ZNF577: variants seen among roughly 807,000 people sequenced by gnomAD.
ZNF577 encodes zinc finger protein 577.
ZNF577 carries 14 observed loss-of-function variants against 13.9 expected under a neutral mutation model. The ratio of observed to expected loss-of-function variants is 1.00; its 90% CI spans 0.66 to 1.57. The LOEUF is 1.57. Ranked by LOEUF, ZNF577 falls within the 40% of genes most tolerant of loss-of-function variation. The pLI is 0.00. For synonymous variants in ZNF577, 203 were observed against 202.9 expected (o/e 1.00, Z 0.00); for missense variants, 555 against 579.2 (o/e 0.96, Z 0.43).
In ZNF577 at chr19:51,824,324, C is replaced by A. The variant is rs147264707; in HGVS notation, c.*600-12650G>T. ...GTGACACTGCTGTAGAGAGGTTGAA[C>A]GTGTTCATTACCATGGCCAAGGTCT... On this transcript the variant is annotated intron_variant and NMD_transcript_variant, in intron 9 of 10. Transcript: ENST00000638827. This position sits in a 1 kb window ranked among gnomAD's most constrained non-coding sequence, Gnocchi z 4.7. The A allele has an allele frequency of 6.2e-7, 1 of 1,614,104 alleles. No homozygotes were observed. The highest frequency in any genetic ancestry group is 2.2e-5 in the East Asian group (1 of 44,876).
At chr19:51,857,415 A>AAAG (rs1491564932) in intron 5 of ZNF577, among the ~76,000 whole-genome samples, 1 of 113,036 alleles carries the variant, frequency 8.8e-6, no homozygotes, top group Non-Finnish European at 1.8e-5. Flanking sequence ...AGAAAGAAAG[A>AAAG]AAGAAAGAAA....
intron 10 of ZNF577, among the ~76,000 whole-genome samples, chr19:51,808,763 A>AT (rs1180496010): frequency 5.3e-5 from 8 of 152,246 alleles, no homozygotes; most frequent in Non-Finnish European, 1.2e-4. Flanking sequence ...TTATGTGTAC[A>AT]TGAATAGCTC....
intron 9 of ZNF577, among the ~76,000 whole-genome samples, chr19:51,820,951 C>G (rs1046100864): frequency 6.6e-6 from 1 of 152,190 alleles, no homozygotes; most frequent in Admixed American, 6.5e-5. Flanking sequence ...AGGAGAAGCT[C>G]TTGGCATGTG....
chr19:51,819,076 G>A (rs954717916), intron 9 of ZNF577, among the ~76,000 whole-genome samples: 4 of 152,208 alleles, frequency 2.6e-5, no homozygotes, highest in African/African-American at 9.6e-5. Flanking sequence ...GACTTGGATT[G>A]TATTGGGTGG....
At chr19:51,823,739 G>A (rs2084208060) in intron 9 of ZNF577, 2 of 1,568,158 alleles carry the variant, frequency 1.3e-6, no homozygotes, top group Non-Finnish European at 1.7e-6. Flanking sequence ...AATGTTTCAG[G>A]TGTGGGAAGA....
rs79950210 is a variant in ZNF577, at chr19:51,870,368, T to C, written c.*2164A>G. 0.066 allele frequency among the ~76,000 whole-genome samples: 9,994 copies of C among 152,234 alleles called. 461 individuals carry two copies. The highest frequency in any genetic ancestry group is 0.099 in the Non-Finnish European group (6,701 of 68,004). Reference sequence around the variant, plus strand: ...CTTTATTAGTCTCTGTTTGGAAAATTGCTAACTTACTTGGAAAGTATGGCC... The same window carrying C: ...CTTTATTAGTCTCTGTTTGGAAAATCGCTAACTTACTTGGAAAGTATGGCC... On this transcript the variant is annotated 3_prime_UTR_variant, in exon 6 of 6. Coordinates refer to ENST00000638348, the MANE Select transcript of ZNF577 (RefSeq NM_001370449.1).
intron 10 of ZNF577, among the ~76,000 whole-genome samples, chr19:51,806,391 T>G (rs1194382652): frequency 6.6e-6 from 1 of 152,240 alleles, no homozygotes; most frequent in Non-Finnish European, 1.5e-5. Flanking sequence ...CATAACACTT[T>G]CAGATAAACT....
chr19:51,817,397 G>A (rs545448218), intron 9 of ZNF577, among the ~76,000 whole-genome samples: 36 of 152,288 alleles, frequency 2.4e-4, no homozygotes, highest in Admixed American at 1.1e-3. Context: ...TAAAGAGAGA[G>A]AGAGAGAGAG....
At chr19:51,878,328 G>A in intron 4 of ZNF577, 61 bp downstream of exon 4, 1 of 1,540,486 alleles carries the variant, frequency 6.5e-7, no homozygotes, top group Non-Finnish European at 8.8e-7. Flanking sequence ...AATATTTATG[G>A]GACCGTACAG....
chr19:51,845,954 T>C (rs545177905), intron 5 of ZNF577, among the ~76,000 whole-genome samples: 11 of 152,336 alleles, frequency 7.2e-5, no homozygotes, highest in African/African-American at 2.6e-4. Flanking sequence ...ATCTGCAAAG[T>C]GCTGATTTCA....
At chr19:51,851,669 C>T (rs1355115789) in intron 5 of ZNF577, among the ~76,000 whole-genome samples, 1 of 152,094 alleles carries the variant, frequency 6.6e-6, no homozygotes, top group African/African-American at 2.4e-5. Flanking sequence ...AACACAGACT[C>T]TTCAACTCCT....
rs371334092 is a variant in ZNF577, at chr19:51,867,601, C to T, written c.*4931G>A. On this transcript the variant is annotated 3_prime_UTR_variant, in exon 6 of 6. Transcript: ENST00000638348. ...CAGACTGGCCAACATGATGAAACCC[C>T]GTCTCTACTAAAAATACAAAAAAAA... 6.7e-6 allele frequency among the ~76,000 whole-genome samples: 1 copy of T among 148,448 alleles called. No individual in the cohort carries two copies. Among genetic ancestry groups the T allele is most frequent in the African/African-American group, 2.5e-5 (1 of 40,038 alleles).
rs139829816 is a variant in ZNF577, at chr19:51,882,498, A to AGGGGG, written c.-218-1622_-218-1621insCCCCC. On this transcript the variant is annotated intron_variant, in intron 1 of 5. Transcript: ENST00000638348. ...ATCCAATAAAAAAAAAAAAAAAACT[A>AGGGGG]GGGTCTGCTGTGTTGGCTCAGGCCT... Among the ~76,000 whole-genome samples the AGGGGG allele has an allele frequency of 6.0e-3, 895 of 150,240 alleles. 8 individuals carry two copies. The highest frequency in any genetic ancestry group is 0.02 in the African/African-American group (824 of 40,956).
intron 8 of ZNF577, among the ~76,000 whole-genome samples, chr19:51,841,175 C>A (rs1452283026): frequency 6.6e-6 from 1 of 152,164 alleles, no homozygotes; most frequent in Non-Finnish European, 1.5e-5. Flanking sequence ...CACCACTTTC[C>A]GCGGGAATCG....
chr19:51,811,973 T>C (rs1430890937), intron 9 of ZNF577, among the ~76,000 whole-genome samples: 3 of 152,216 alleles, frequency 2.0e-5, no homozygotes, highest in Non-Finnish European at 4.4e-5. Context: ...TTTGCCCATA[T>C]TGTCTTGAGA....
At chr19:51,823,882 G>T (rs770182384) in intron 9 of ZNF577, 1 of 1,614,032 alleles carries the variant, frequency 6.2e-7, no homozygotes, top group Non-Finnish European at 8.5e-7. Flanking sequence ...CTGGGCAATG[G>T]GCTTGTGATC....
Position 51,824,390 on chromosome 19 carries a change from G to A in ZNF577, c.*600-12716C>T, listed in dbSNP as rs1020736717. ...TCATTATTGGCTTCAGCGTGCCTAT[G>A]TCCATCATCACAGTCTGCTATGGGA... is the stretch of plus-strand genomic sequence containing the variant. On this transcript the variant is annotated intron_variant and NMD_transcript_variant, in intron 9 of 10. Coordinates refer to the ZNF577 transcript ENST00000638827. The surrounding 1 kb of genome is among the most constrained non-coding windows in gnomAD (Gnocchi z 4.7). 14 of 1,614,118 alleles carry A rather than the reference G, an allele frequency of 8.7e-6. No homozygotes were observed. Among genetic ancestry groups the A allele is most frequent in the Non-Finnish European group, 1.2e-5 (14 of 1,180,002 alleles).
intron 5 of ZNF577, among the ~76,000 whole-genome samples, chr19:51,846,397 G>A (rs1479683970): frequency 6.6e-6 from 1 of 152,092 alleles, no homozygotes; most frequent in African/African-American, 2.4e-5. Flanking sequence ...CTTCAATATG[G>A]AATTAGTGAC....
intron 9 of ZNF577, among the ~76,000 whole-genome samples, chr19:51,827,334 T>C (rs1307581120): frequency 1.3e-5 from 2 of 152,172 alleles, no homozygotes; most frequent in African/African-American, 2.4e-5. Flanking sequence ...ACTGTCAAAA[T>C]TTTTGCAAAT....
Sources: gnomAD v4.1 joint callset for allele counts (sites outside exome capture counted in the v4.1 genomes callset) on GRCh38, gnomAD v4.1.1 for gene constraint, Gnocchi (gnomAD v3.1) non-coding constraint, MANE v1.5 for transcripts, NCBI Gene and HGNC (gene_info 2026-07-23, HGNC 2026-07-21) for gene names.